Variants in ZBTB17 observed in about 807,000 individuals in gnomAD.
The protein encoded by ZBTB17 is zinc finger and BTB domain containing 17.
In ZBTB17, 24 loss-of-function variants were observed where a neutral mutation model predicts 85.1. That is an observed-to-expected ratio of 0.28 (90% CI 0.20 to 0.40). ZBTB17 has a LOEUF of 0.40. ZBTB17 is among the 10% of genes least tolerant of loss of function. The pLI is 1.00. For synonymous variants in ZBTB17, 464 were observed against 460.2 expected (o/e 1.01, Z -0.11); for missense variants, 743 against 1,105.1 (o/e 0.67, Z 4.65).
intron 9 of ZBTB17, 156 bp from the exon 10 acceptor site, chr1:15,944,051 C>G (rs759576993): frequency 1.0e-6 from 1 of 967,018 alleles, no homozygotes; most frequent in Non-Finnish European, 1.6e-6. Context: ...CAGGTCCCAG[C>G]GGTGAGAGGT....
rs1377275804 is a variant in ZBTB17 at position 15,952,554 on chromosome 1, C to T, written c.-2-4057G>A. Among the ~76,000 whole-genome samples the T allele has an allele frequency of 2.0e-5, 3 of 152,250 alleles. No homozygotes were observed. Among genetic ancestry groups the T allele is most frequent in the Admixed American group, 2.0e-4 (3 of 15,286 alleles). ...GAGACGGTGTCTGTTTCCCTCCTGTCGGAATCTGGATGGCCCAGAGACGAC... is the reference window on the plus strand; with the variant it reads ...GAGACGGTGTCTGTTTCCCTCCTGTTGGAATCTGGATGGCCCAGAGACGAC... On this transcript the variant is annotated intron_variant, in intron 2 of 15. Transcript: ENST00000375743. The surrounding 1 kb of genome is among the most constrained non-coding windows in gnomAD (Gnocchi z 4.3).
chr1:15,943,642 A>G lies in ZBTB17; in HGVS notation c.1533T>C (p.Phe511=). The change falls in exon 11 of 16, where the codon TTT becomes TTC. Residue 511 remains phenylalanine, a synonymous_variant. Coordinates refer to ENST00000375743, the MANE Select transcript of ZBTB17 (RefSeq NM_003443.3). ...GCCGCTGCAGAGCGCCGGGGTCTGC[A>G]AACTGTCGCTGGCAGTGGATGCACA... ...PYVCIHCQRQ[F]ADPGALQRHV... is the part of the protein sequence containing the mutation. The G allele has an allele frequency of 6.2e-7, 1 of 1,612,892 alleles. No homozygotes were observed. The highest frequency in any genetic ancestry group is 8.5e-7 in the Non-Finnish European group (1 of 1,179,882).
intron 7 of ZBTB17, 27 bp from the exon 8 acceptor site, chr1:15,944,866 G>A (rs1483538531): frequency 1.1e-5 from 18 of 1,574,054 alleles, no homozygotes; most frequent in Non-Finnish European, 1.6e-5. Flanking sequence ...GAAGCGGGGT[G>A]TGAGGAGCAG....
intron 5 of ZBTB17, 26 bp downstream of exon 5, chr1:15,946,128 G>T: frequency 1.2e-6 from 2 of 1,602,516 alleles, no homozygotes; most frequent in Non-Finnish European, 1.7e-6. Context: ...CAGGACAGCC[G>T]GCTGGGTCCT....
At chr1:15,965,775 C>A (rs1288773460) in intron 2 of ZBTB17, among the ~76,000 whole-genome samples, 1 of 152,142 alleles carries the variant, frequency 6.6e-6, no homozygotes, top group East Asian at 1.9e-4. Context: ...TGTCAAGGCA[C>A]TGAAGAAAAC....
Position 15,969,658 on chromosome 1 carries a change from CTCTT to C in ZBTB17, c.-3+3377_-3+3380del, listed in dbSNP as rs535832697. The C allele has an allele frequency of 2.2e-3, 986 of 456,532 alleles. 6 individuals carry two copies. The highest frequency in any genetic ancestry group is 3.7e-3 in the Non-Finnish European group (851 of 227,878). 28.3% of individuals were successfully genotyped at this position (456,532 alleles called of 1,614,324 possible). ...TAAATTGACCATTATCTCAGGATGTCTCTTTCTGACTGCCAATATCTTCGCCATC... is the reference window on the plus strand; with the variant it reads ...TAAATTGACCATTATCTCAGGATGTCTCTGACTGCCAATATCTTCGCCATC... On this transcript the variant is annotated intron_variant, in intron 2 of 15. Coordinates refer to ENST00000375743, the MANE Select transcript of ZBTB17 (RefSeq NM_003443.3).
At chr1:15,954,660 G>A (rs2071980565) in intron 2 of ZBTB17, among the ~76,000 whole-genome samples, 1 of 152,040 alleles carries the variant, frequency 6.6e-6, no homozygotes, top group Non-Finnish European at 1.5e-5. Context: ...ACAAGCCTAG[G>A]CAACATGGTG....
At chr1:15,946,896 C>G (rs1346680323) in intron 4 of ZBTB17, 39 bp downstream of exon 4, 1 of 1,582,522 alleles carries the variant, frequency 6.3e-7, no homozygotes, top group Non-Finnish European at 8.6e-7. Context: ...AAGCCAAGGT[C>G]TCTGGCCATC....
intron 2 of ZBTB17, among the ~76,000 whole-genome samples, chr1:15,963,999 G>C (rs1448295934): frequency 6.6e-6 from 1 of 151,582 alleles, no homozygotes; most frequent in Non-Finnish European, 1.5e-5. Flanking sequence ...GAGTGCCTGT[G>C]ATCCCAGCTA....
At chr1:15,974,720 G>A (rs1158885490) in intron 1 of ZBTB17, among the ~76,000 whole-genome samples, 2 of 152,046 alleles carry the variant, frequency 1.3e-5, no homozygotes, top group Non-Finnish European at 2.9e-5. Flanking sequence ...GACTACAGGC[G>A]CGCGCAAGCA....
chr1:15,949,647 T>C (rs1293178129), intron 2 of ZBTB17, among the ~76,000 whole-genome samples: 1 of 152,236 alleles, frequency 6.6e-6, no homozygotes, highest in Non-Finnish European at 1.5e-5. Flanking sequence ...GCCCCCAGTT[T>C]CGGCAGCTCT....
intron 2 of ZBTB17, among the ~76,000 whole-genome samples, chr1:15,956,289 A>G (rs2072041955): frequency 6.6e-6 from 1 of 152,206 alleles, no homozygotes; most frequent in African/African-American, 2.4e-5. Context: ...AGGTGGGGCT[A>G]CTTCTTATTT....
At chr1:15,954,300 G>T (rs1008285433) in intron 2 of ZBTB17, among the ~76,000 whole-genome samples, 2 of 152,176 alleles carry the variant, frequency 1.3e-5, no homozygotes, top group Non-Finnish European at 2.9e-5. Context: ...TTATTAGTAT[G>T]CACTAAACTA....
chr1:15,951,038 C>A lies in ZBTB17; in HGVS notation c.-2-2541G>T, dbSNP rs1365236726. On this transcript the variant is annotated intron_variant, in intron 2 of 15. Coordinates refer to ENST00000375743, the MANE Select transcript of ZBTB17 (RefSeq NM_003443.3). The surrounding 1 kb of genome is among the most constrained non-coding windows in gnomAD (Gnocchi z 4.1). Reference sequence around the variant, plus strand: ...GGGTGGGTGGTGGCCCAGCCCCCCACATACCACCACCCGCCAAGAGAGCAG... The same window carrying A: ...GGGTGGGTGGTGGCCCAGCCCCCCAAATACCACCACCCGCCAAGAGAGCAG... 6.6e-6 allele frequency among the ~76,000 whole-genome samples: 1 copy of A among 152,018 alleles called. No homozygotes were observed. The highest frequency in any genetic ancestry group is 2.4e-5 in the African/African-American group (1 of 41,298).
At chr1:15,968,115 G>A (rs137878080) in intron 2 of ZBTB17, among the ~76,000 whole-genome samples, 86 of 152,288 alleles carry the variant, frequency 5.6e-4, no homozygotes, top group Non-Finnish European at 1.1e-3. Flanking sequence ...AAGTGTCAAG[G>A]TTGAGAAACC....
chr1:15,976,085 C>T lies in ZBTB17; in HGVS notation c.-192G>A. On this transcript the variant is annotated 5_prime_UTR_variant, in exon 1 of 16. Coordinates refer to ENST00000375743, the MANE Select transcript of ZBTB17 (RefSeq NM_003443.3). ...ACAAAGGGCGCCGCCATGTTAGAGT[C>T]GGGCGGAACCGACCTCGCAGGCTTC... 1 of 682,178 alleles carries T rather than the reference C, an allele frequency of 1.5e-6. No homozygotes were observed. The highest frequency in any genetic ancestry group is 2.7e-6 in the Non-Finnish European group (1 of 374,412). 42.3% of individuals were successfully genotyped at this position (682,178 alleles called of 1,614,324 possible).
At chr1:15,975,083 G>A (rs939998498) in intron 1 of ZBTB17, among the ~76,000 whole-genome samples, 2 of 152,196 alleles carry the variant, frequency 1.3e-5, no homozygotes, top group African/African-American at 4.8e-5. Context: ...TCAGAGGAAG[G>A]AGGGCTTTCT....
Position 15,951,317 on chromosome 1 carries a change from AAGGGAGAG to A in ZBTB17, c.-2-2828_-2-2821del, listed in dbSNP as rs1456136318. On this transcript the variant is annotated intron_variant, in intron 2 of 15. Coordinates refer to ENST00000375743, the MANE Select transcript of ZBTB17 (RefSeq NM_003443.3). The surrounding 1 kb of genome is among the most constrained non-coding windows in gnomAD (Gnocchi z 4.1). ...AAGGAGAGAGAAGAAGGAAGGAAGG[AAGGGAGAG>A]AGGGAGGGAGGGAGGGGCCCTGTAC... is the stretch of plus-strand genomic sequence containing the variant. Among the ~76,000 whole-genome samples, 5 of 146,542 alleles carry A rather than the reference AAGGGAGAG, an allele frequency of 3.4e-5. No homozygotes were observed. The South Asian group carries it at 9.2e-4, about 27-fold the overall frequency.
chr1:15,944,647 A>G (rs751977723), intron 8 of ZBTB17, 47 bp from the exon 9 acceptor site: 1 of 1,601,484 alleles, frequency 6.2e-7, no homozygotes, highest in South Asian at 1.1e-5. Context: ...TGGGGCGTGA[A>G]AGGCCGGGCC....
Sources: allele counts gnomAD v4.1 joint callset (sites outside exome capture counted in the v4.1 genomes callset), GRCh38; gene constraint gnomAD v4.1.1; non-coding constraint Gnocchi (gnomAD v3.1); transcripts MANE v1.5; gene names NCBI Gene and HGNC (gene_info 2026-07-23, HGNC 2026-07-21).